COPA: variants seen among roughly 807,000 people sequenced by gnomAD.
COPA encodes the protein coat protein complex I subunit alpha.
COPA carries 10 observed loss-of-function variants against 158.7 expected under a neutral mutation model. The ratio of observed to expected loss-of-function variants is 0.06; its 90% CI spans 0.04 to 0.11. The LOEUF (loss-of-function observed/expected upper bound fraction) is 0.11. COPA is among the 10% of genes least tolerant of loss of function. The pLI, the probability that COPA is intolerant of heterozygous loss-of-function variation, is 1.00. For synonymous variants in COPA, 462 were observed against 542.8 expected (o/e 0.85, Z 2.07); for missense variants, 1,065 against 1,536.7 (o/e 0.69, Z 5.13).
intron 1 of COPA, among the ~76,000 whole-genome samples, chr1:160,340,573 A>G (rs7512872): frequency 0.64 from 97,741 of 151,974 alleles, 32,951 homozygotes; most frequent in African/African-American, 0.86. Context: ...TTTATTACAG[A>G]GGGGCTACAG....
In COPA at chr1:160,294,580, C is replaced by T. The variant is rs747963957; in HGVS notation, c.2580G>A (p.Glu860=). 1.1e-5 allele frequency: 18 copies of T among 1,614,194 alleles called. No individual in the cohort carries two copies. Among genetic ancestry groups the T allele is most frequent in the Non-Finnish European group, 1.4e-5 (17 of 1,180,026 alleles). Residue 860 remains glutamate, a synonymous_variant, in exon 25 of 33, where the codon GAG becomes GAA. Transcript: ENST00000241704. ...CATCATCCCCCAAACCTTCTGTAGC[C>T]TCCACAAACCCATCTGTAAGGAAAA... ...ELQLDEDGFV[E]ATEGLGDDAL...
intron 3 of COPA, among the ~76,000 whole-genome samples, chr1:160,336,264 C>T (rs909839115): frequency 5.3e-5 from 8 of 150,112 alleles, no homozygotes; most frequent in Admixed American, 3.3e-4. Context: ...ACCTGGGAGG[C>T]GGCGTTTGCA....
chr1:160,329,533 C>G (rs779505024), intron 6 of COPA, among the ~76,000 whole-genome samples: 1 of 152,026 alleles, frequency 6.6e-6, no homozygotes. Flanking sequence ...ATCCAACCAC[C>G]TGACTGCCCC....
intron 8 of COPA, 39 bp downstream of exon 8, chr1:160,323,392 G>A (rs1443694614): frequency 6.5e-7 from 1 of 1,540,616 alleles, no homozygotes; most frequent in Non-Finnish European, 8.8e-7. Flanking sequence ...CTGGCTGGCA[G>A]TTTCTTAGAT....
At chr1:160,340,736 G>A (rs1449557056) in intron 1 of COPA, among the ~76,000 whole-genome samples, 2 of 152,178 alleles carry the variant, frequency 1.3e-5, no homozygotes, top group African/African-American at 4.8e-5. Context: ...TCTGGGGATT[G>A]CTCTGCCTTC....
intron 6 of COPA, among the ~76,000 whole-genome samples, chr1:160,331,851 G>A (rs1647538122): frequency 6.6e-6 from 1 of 151,704 alleles, no homozygotes; most frequent in African/African-American, 2.4e-5. Context: ...AGGAGGCTGA[G>A]GGAGAATTGC....
intron 9 of COPA, among the ~76,000 whole-genome samples, chr1:160,313,709 G>A (rs187643667): frequency 7.2e-5 from 11 of 152,268 alleles, no homozygotes; most frequent in Admixed American, 2.0e-4. Flanking sequence ...CACCGCGCCC[G>A]GCCTCATTCC....
chr1:160,290,100 T>C lies in COPA; in HGVS notation c.*57A>G. The C allele has an allele frequency of 6.6e-7, 1 of 1,522,948 alleles. No homozygotes were observed. Among genetic ancestry groups the C allele is most frequent in the Non-Finnish European group, 9.1e-7 (1 of 1,098,104 alleles). The allele number at this position is 1,522,948 out of a possible 1,614,324, so 94.3% of individuals were successfully genotyped here. A position where few individuals can be genotyped will look rare whatever the true frequency, so the allele number is the denominator to read the frequency against. ...GGAAGGTGCTGTTAGAAGGAGGATA[T>C]AGACACATTCTCTGGGGGGAACATA... On this transcript the variant is annotated 3_prime_UTR_variant, in exon 33 of 33. Coordinates refer to ENST00000241704, the MANE Select transcript of COPA (RefSeq NM_004371.4).
At chr1:160,339,778 T>A in intron 3 of COPA, 131 bp downstream of exon 3, 1 of 735,036 alleles carries the variant, frequency 1.4e-6, no homozygotes, top group South Asian at 1.9e-5. Flanking sequence ...CTGAGTAAGT[T>A]CTCCGGATAA....
chr1:160,293,104 T>C, intron 27 of COPA, 62 bp downstream of exon 27: 1 of 1,505,594 alleles, frequency 6.6e-7, no homozygotes, highest in East Asian at 2.3e-5. Context: ...TTAAAATGAG[T>C]CAACCATCTC....
chr1:160,303,293 T>C (rs1360096724), intron 17 of COPA, among the ~76,000 whole-genome samples: 1 of 152,118 alleles, frequency 6.6e-6, no homozygotes, highest in African/African-American at 2.4e-5. Flanking sequence ...CAAAATAGGA[T>C]CAAAGGAAAA....
At chr1:160,333,120 C>T (rs1415690783) in intron 5 of COPA, among the ~76,000 whole-genome samples, 2 of 152,214 alleles carry the variant, frequency 1.3e-5, no homozygotes, top group African/African-American at 4.8e-5. Context: ...GACGGGGTTT[C>T]ACCATCTTGG....
rs1269837355 is a variant in COPA at position 160,313,144 on chromosome 1, C to T, written c.866G>A (p.Arg289Lys). The change falls in exon 10 of 33, where the codon AGA becomes AAA. Residue 289 changes from arginine (R) to lysine (K), a missense_variant. This residue lies in a region of COPA where 980 missense variants were observed against 1,357.8 expected (regional missense o/e 0.72). Coordinates refer to ENST00000241704, the MANE Select transcript of COPA (RefSeq NM_004371.4). ...SKRTGVQTFR[R>K]DHDRFWVLAA... ...TAGGACCCAGAAACGATCATGGTCTCTGCGGAAAGTCTGAACCCCAGTCCT... is the reference window on the plus strand; with the variant it reads ...TAGGACCCAGAAACGATCATGGTCTTTGCGGAAAGTCTGAACCCCAGTCCT... The T allele has an allele frequency of 1.2e-6, 2 of 1,614,114 alleles. No homozygotes were observed. Among genetic ancestry groups the T allele is most frequent in the Non-Finnish European group, 1.7e-6 (2 of 1,180,020 alleles).
chr1:160,327,659 A>C (rs543601865), intron 6 of COPA, among the ~76,000 whole-genome samples: 2 of 152,022 alleles, frequency 1.3e-5, no homozygotes, highest in Non-Finnish European at 2.9e-5. Context: ...GGAGTTTGAG[A>C]CCAGCCTGGC....
intron 6 of COPA, 92 bp from the exon 7 acceptor site, chr1:160,325,744 G>T: frequency 1.1e-6 from 1 of 897,246 alleles, no homozygotes; most frequent in South Asian, 1.6e-5. Flanking sequence ...CAGTGAAAAA[G>T]AAAAGAAAAA....
chr1:160,330,780 GA>G (rs914539039), intron 6 of COPA, among the ~76,000 whole-genome samples: 65 of 152,204 alleles, frequency 4.3e-4, no homozygotes, highest in African/African-American at 1.5e-3. Flanking sequence ...AAAGATCTAT[GA>G]GGGGGGCCTT....
chr1:160,299,424 C>G lies in COPA; in HGVS notation c.1668-160G>C, dbSNP rs932494197. On this transcript the variant is annotated intron_variant, in intron 17 of 32. Transcript: ENST00000241704. ...GAGCAGAACTAAATGCCAAATTTAT[C>G]ATATTCTTTCTACGATGGGGTAGAT... 6.1e-6 allele frequency: 4 copies of G among 651,538 alleles called. No individual in the cohort carries two copies. The Admixed American group carries it at 1.2e-4, about 20-fold the overall frequency. 40.4% of individuals were successfully genotyped at this position (651,538 alleles called of 1,614,324 possible). A position where few individuals can be genotyped will look rare whatever the true frequency, so the allele number is the denominator to read the frequency against.
intron 2 of COPA, 48 bp downstream of exon 2, chr1:160,340,133 T>C (rs1428985986): frequency 1.3e-6 from 2 of 1,499,094 alleles, no homozygotes; most frequent in Non-Finnish European, 1.9e-6. Flanking sequence ...TACCCCAGGA[T>C]ATTATAAATA....
chr1:160,324,275 CT>C (rs1487588594), intron 7 of COPA, among the ~76,000 whole-genome samples: 1 of 142,378 alleles, frequency 7.0e-6, no homozygotes, highest in Non-Finnish European at 1.5e-5. Flanking sequence ...AAGACTTTGT[CT>C]TCTTCATTCT....
Sources: allele counts gnomAD v4.1 joint callset (sites outside exome capture counted in the v4.1 genomes callset), GRCh38; gene constraint gnomAD v4.1.1; regional missense constraint gnomAD v4.1.1; transcripts MANE v1.5; gene names NCBI Gene and HGNC (gene_info 2026-07-23, HGNC 2026-07-21).